Variants in CHODL observed in about 807,000 individuals in gnomAD.
CHODL encodes chondrolectin.
Under a neutral mutation model 34.5 loss-of-function variants are expected in CHODL, and 29 were observed. That is an observed-to-expected ratio of 0.84 (90% CI 0.63 to 1.15). The LOEUF is 1.15. CHODL is among the 50% of genes most tolerant of loss of function. The pLI is 0.00. For missense variants in CHODL, 332 were observed against 332.5 expected (o/e 1.00, Z 0.01); for synonymous variants, 125 against 116.1 (o/e 1.08, Z -0.49).
At chr21:18,174,130 T>C (rs2073267806) in intron 2 of CHODL, among the ~76,000 whole-genome samples, 1 of 12,102 alleles carries the variant, frequency 8.3e-5, no homozygotes, top group Non-Finnish European at 6.5e-4. Context: ...GGTGTATATA[T>C]ATATATATAT....
chr21:18,145,587 G>T (rs572478473), intron 2 of CHODL, among the ~76,000 whole-genome samples: 12 of 152,198 alleles, frequency 7.9e-5, no homozygotes, highest in African/African-American at 2.9e-4. Context: ...CTGTTAAAAT[G>T]AGGCAATAAC....
At chr21:18,002,646 T>G (rs1667289667) in intron 1 of CHODL, among the ~76,000 whole-genome samples, 1 of 152,140 alleles carries the variant, frequency 6.6e-6, no homozygotes, top group African/African-American at 2.4e-5. Context: ...TATCTCCACC[T>G]TAGCCCTAGC....
chr21:17,990,127 A>G (rs2063785348), intron 1 of CHODL, among the ~76,000 whole-genome samples: 1 of 152,100 alleles, frequency 6.6e-6, no homozygotes, highest in African/African-American at 2.4e-5. Flanking sequence ...ATTGTTACCT[A>G]TAGTTGATTT....
At position 17,993,986 on chromosome 21, in the gene CHODL, G is replaced by A. The variant is rs138648546; in HGVS notation, c.-144-33886G>A. On this transcript the variant is annotated intron_variant, in intron 1 of 6. Coordinates refer to the CHODL transcript ENST00000400127. ...TTTTCATTTCTGATTTTATTTTTTT[G>A]AGTCTTCTTTCTTTTTTTCTTGGTT... Among the ~76,000 whole-genome samples the A allele has an allele frequency of 4.6e-4, 70 of 151,822 alleles. No individual in the cohort carries two copies. The East Asian group carries it at 0.013, about 29-fold the overall frequency.
At chr21:18,084,919 TAGTGTGTGTGTGTGTGTGTGTGTG>T (rs2064986131) in intron 2 of CHODL, among the ~76,000 whole-genome samples, 1 of 128,212 alleles carries the variant, frequency 7.8e-6, no homozygotes, top group Non-Finnish European at 1.5e-5. Context: ...GGTCTAGTAA[TAGTGTGTGTGTGTGTGTGTGTGTG>T]TGTGTGTGTG....
chr21:18,261,983 G>C (rs996876384), intron 4 of CHODL, among the ~76,000 whole-genome samples: 7 of 151,616 alleles, frequency 4.6e-5, no homozygotes, highest in Non-Finnish European at 1.0e-4. Context: ...TTATTGGCTA[G>C]GTAATTACTT....
chr21:18,106,619 C>T (rs1156684749), intron 2 of CHODL, among the ~76,000 whole-genome samples: 2 of 151,844 alleles, frequency 1.3e-5, no homozygotes, highest in African/African-American at 4.8e-5. Context: ...CCTCAGCCTC[C>T]AAATAGCTGG....
intron 2 of CHODL, among the ~76,000 whole-genome samples, chr21:18,210,276 G>A (rs1202954124): frequency 6.6e-6 from 1 of 152,170 alleles, no homozygotes; most frequent in Admixed American, 6.5e-5. Context: ...GCAGCACTGA[G>A]TTCCAGTGCA....
chr21:17,953,455 A>C, intron 1 of CHODL, among the ~76,000 whole-genome samples: 1 of 152,132 alleles, frequency 6.6e-6, no homozygotes. Context: ...TGACAGAATG[A>C]GATTCTGTCT....
At chr21:18,036,004 A>G (rs2064304788) in intron 2 of CHODL, among the ~76,000 whole-genome samples, 1 of 151,984 alleles carries the variant, frequency 6.6e-6, no homozygotes, top group South Asian at 2.1e-4. Context: ...GACAGACATT[A>G]TACATTTTAT....
intron 1 of CHODL, among the ~76,000 whole-genome samples, chr21:17,951,059 T>G (rs1206743270): frequency 6.6e-6 from 1 of 151,916 alleles, no homozygotes; most frequent in African/African-American, 2.4e-5. Flanking sequence ...CATTAATAAG[T>G]GTATATATTC....
intron 1 of CHODL, chr21:18,024,898 A>C (rs1381712709): frequency 2.6e-5 from 4 of 152,340 alleles, no homozygotes; most frequent in South Asian, 2.1e-4. Context: ...ATTAAATAGA[A>C]TACAAGCCAG....
intron 2 of CHODL, among the ~76,000 whole-genome samples, chr21:18,047,147 G>T (rs1440676838): frequency 6.6e-6 from 1 of 151,866 alleles, no homozygotes; most frequent in Non-Finnish European, 1.5e-5. Context: ...TGAAAATCTG[G>T]ACTTATGGAT....
intron 5 of CHODL, among the ~76,000 whole-genome samples, chr21:18,263,124 T>C (rs1466679333): frequency 6.6e-6 from 1 of 152,190 alleles, no homozygotes; most frequent in African/African-American, 2.4e-5. Flanking sequence ...GTTGAGAAGA[T>C]GGTGTCTTAG....
intron 1 of CHODL, among the ~76,000 whole-genome samples, chr21:17,981,248 G>A (rs2063711684): frequency 6.6e-6 from 1 of 152,126 alleles, no homozygotes; most frequent in Admixed American, 6.6e-5. Context: ...GCTGCTAGAA[G>A]GAACTTTCAG....
intron 1 of CHODL, among the ~76,000 whole-genome samples, chr21:17,942,048 T>C (rs1568808763): frequency 2.0e-5 from 3 of 152,106 alleles, no homozygotes; most frequent in African/African-American, 7.2e-5. Flanking sequence ...ATATACATTT[T>C]GGGGGGAATA....
intron 1 of CHODL, among the ~76,000 whole-genome samples, chr21:17,963,077 AATAAT>A (rs751542785): frequency 1.8e-4 from 14 of 75,730 alleles, no homozygotes; most frequent in Admixed American, 2.6e-4. Flanking sequence ...AAAAAAAAAT[AATAAT>A]AATAATAATA....
chr21:18,037,232 G>A (rs536289151), intron 2 of CHODL, among the ~76,000 whole-genome samples: 10 of 151,996 alleles, frequency 6.6e-5, no homozygotes, highest in Admixed American at 2.0e-4. Flanking sequence ...CTTGGAAGGA[G>A]ATTTAATTGG....
chr21:18,017,233 C>T (rs1332947868), intron 1 of CHODL, among the ~76,000 whole-genome samples: 1 of 152,098 alleles, frequency 6.6e-6, no homozygotes, highest in Non-Finnish European at 1.5e-5. Context: ...GGCTCTGTGT[C>T]CCTACTCAAA....
Sources: allele counts gnomAD v4.1 joint callset (sites outside exome capture counted in the v4.1 genomes callset), GRCh38; gene constraint gnomAD v4.1.1; transcripts MANE v1.5; gene names NCBI Gene and HGNC (gene_info 2026-07-23, HGNC 2026-07-21).